PLXNA4: variants seen among roughly 807,000 people sequenced by gnomAD.
PLXNA4 encodes plexin-A4.
PLXNA4 carries 44 observed loss-of-function variants against 191.8 expected under a neutral mutation model. The ratio of observed to expected loss-of-function variants is 0.23; its 90% CI spans 0.18 to 0.29. The LOEUF (loss-of-function observed/expected upper bound fraction) is 0.29. Among genes scored for constraint, PLXNA4 ranks in the 10% least tolerant of loss-of-function variants. PLXNA4 has a pLI of 1.00. For missense variants in PLXNA4, 1,800 were observed against 2,488.8 expected (o/e 0.72, Z 5.89); for synonymous variants, 1,082 against 1,009.5 (o/e 1.07, Z -1.36).
intron 3 of PLXNA4, among the ~76,000 whole-genome samples, chr7:132,348,737 G>A (rs1396326096): frequency 2.0e-5 from 3 of 152,182 alleles, no homozygotes; most frequent in Non-Finnish European, 4.4e-5. Flanking sequence ...GGGGACATCT[G>A]GACACTAATT....
At chr7:132,327,939 C>T (rs937653676) in intron 3 of PLXNA4, among the ~76,000 whole-genome samples, 10 of 152,132 alleles carry the variant, frequency 6.6e-5, no homozygotes, top group African/African-American at 2.2e-4. Flanking sequence ...CAGGGAGAGC[C>T]GCCCTGTGTG....
intron 1 of PLXNA4, among the ~76,000 whole-genome samples, chr7:132,537,170 G>A (rs778786518): frequency 6.6e-6 from 1 of 152,204 alleles, no homozygotes; most frequent in Non-Finnish European, 1.5e-5. Context: ...TCTTGATCCT[G>A]TCTGAGACCA....
At chr7:132,203,983 G>T (rs1562918997) in intron 10 of PLXNA4, among the ~76,000 whole-genome samples, 1 of 152,180 alleles carries the variant, frequency 6.6e-6, no homozygotes, top group Admixed American at 6.5e-5. Flanking sequence ...TACACCCTAG[G>T]GGGATGAGAG....
In PLXNA4 at chr7:132,241,176, C is replaced by T. The variant is rs747076582; in HGVS notation, c.1504-10G>A. 3.7e-6 allele frequency: 6 copies of T among 1,603,468 alleles called. No homozygotes were observed. The highest frequency in any genetic ancestry group is 1.7e-4 in the Middle Eastern group (1 of 6,030). ...CAGGGACTCTGGTGAGCTAGGACAG[C>T]AGGATAGGGAGAAGGTGGTCAAGAT... On this transcript the variant is annotated splice_polypyrimidine_tract_variant and intron_variant, in intron 4 of 31. Coordinates refer to ENST00000321063, the MANE Select transcript of PLXNA4 (RefSeq NM_020911.2).
chr7:132,419,064 AG>A (rs1794759837), intron 3 of PLXNA4, among the ~76,000 whole-genome samples: 1 of 152,218 alleles, frequency 6.6e-6, no homozygotes, highest in Non-Finnish European at 1.5e-5. Flanking sequence ...AGGGTTGGGA[AG>A]GGAGCTCTGT....
chr7:132,418,613 C>T (rs927613839), intron 3 of PLXNA4, among the ~76,000 whole-genome samples: 1 of 152,168 alleles, frequency 6.6e-6, no homozygotes, highest in Non-Finnish European at 1.5e-5. Flanking sequence ...TCCTGGGCAC[C>T]GCCTGGAGAA....
At chr7:132,176,618 A>ATG (rs910206268) in intron 20 of PLXNA4, among the ~76,000 whole-genome samples, 4 of 67,916 alleles carry the variant, frequency 5.9e-5, no homozygotes, top group East Asian at 8.8e-4. Context: ...GTATGACTGC[A>ATG]TGTGTGTGTG....
chr7:132,428,738 C>T (rs1795146046), intron 3 of PLXNA4, among the ~76,000 whole-genome samples: 1 of 152,156 alleles, frequency 6.6e-6, no homozygotes, highest in Non-Finnish European at 1.5e-5. Flanking sequence ...AGGTCCTCGC[C>T]TACCTCCCAC....
At chr7:132,136,757 TG>T (rs1441103266) in intron 30 of PLXNA4, among the ~76,000 whole-genome samples, 1 of 152,146 alleles carries the variant, frequency 6.6e-6, no homozygotes, top group African/African-American at 2.4e-5. Flanking sequence ...CTAAACTCTT[TG>T]GAAAGGACAC....
intron 3 of PLXNA4, chr7:132,383,569 T>C (rs1038756686): frequency 1.0e-6 from 1 of 984,044 alleles, no homozygotes; most frequent in African/African-American, 1.7e-5. Flanking sequence ...TTTCACTGAA[T>C]GTTATCACAC....
At position 132,563,501 on chromosome 7, in the gene PLXNA4, CCTCCTCCTCCTCCTGCTG is replaced by C. The variant is rs1280694600; in HGVS notation, c.-87+12903_-87+12920del. Among the ~76,000 whole-genome samples, 470 of 89,996 alleles carry C rather than the reference CCTCCTCCTCCTCCTGCTG, an allele frequency of 5.2e-3. 15 individuals are homozygous for C. Among genetic ancestry groups the C allele is most frequent in the Middle Eastern group, 0.014 (1 of 74 alleles). The allele number at this position is 89,996 out of a possible 152,430, so 59.0% of individuals were successfully genotyped here. A position where few individuals can be genotyped will look rare whatever the true frequency, so the allele number is the denominator to read the frequency against. ...TGCTGCTCCTCCTCCTCCTTCTCCT[CCTCCTCCTCCTCCTGCTG>C]CTCCTCCTCCTCTTTCTCCTCCTCC... On this transcript the variant is annotated intron_variant, in intron 1 of 31. Transcript: ENST00000321063.
chr7:132,155,947 A>G (rs1795778561), intron 25 of PLXNA4, among the ~76,000 whole-genome samples: 1 of 152,164 alleles, frequency 6.6e-6, no homozygotes, highest in Admixed American at 6.5e-5. Flanking sequence ...GACTGGAACA[A>G]AAGACTGACC....
intron 3 of PLXNA4, chr7:132,366,014 T>C (rs1047394135): frequency 4.6e-5 from 7 of 152,250 alleles, no homozygotes; most frequent in East Asian, 1.9e-4. Context: ...GGGAGCTCCA[T>C]ATTAAGAGAA....
At chr7:132,397,567 G>T (rs1027017092) in intron 3 of PLXNA4, among the ~76,000 whole-genome samples, 2 of 152,170 alleles carry the variant, frequency 1.3e-5, no homozygotes, top group Non-Finnish European at 2.9e-5. Flanking sequence ...CCAAATCCAG[G>T]AAATTCCACA....
At chr7:132,185,191 C>A in intron 16 of PLXNA4, 108 bp downstream of exon 16, 1 of 1,418,488 alleles carries the variant, frequency 7.0e-7, no homozygotes, top group Non-Finnish European at 9.3e-7. Flanking sequence ...TCCAGCTCAT[C>A]CATCCCCCAA....
At chr7:132,584,880 C>T (rs551471810) in intron 2 of PLXNA4, among the ~76,000 whole-genome samples, 43 of 152,282 alleles carry the variant, frequency 2.8e-4, no homozygotes, top group Admixed American at 1.9e-3. Context: ...TGTCACACCG[C>T]CAGTCCTCTG....
At chr7:132,592,248 T>A (rs1190694559) in intron 2 of PLXNA4, among the ~76,000 whole-genome samples, 2 of 152,086 alleles carry the variant, frequency 1.3e-5, no homozygotes, top group Non-Finnish European at 2.9e-5. Context: ...CAAAGCACTT[T>A]AGAAAGAGCC....
At chr7:132,503,198 C>A (rs894212094) in intron 2 of PLXNA4, among the ~76,000 whole-genome samples, 30 of 152,214 alleles carry the variant, frequency 2.0e-4, no homozygotes, top group South Asian at 2.1e-4. Flanking sequence ...TAATGACCTG[C>A]TGGTGTGCAT....
intron 9 of PLXNA4, among the ~76,000 whole-genome samples, chr7:132,219,499 G>A (rs1422573276): frequency 6.6e-6 from 1 of 152,140 alleles, no homozygotes; most frequent in Admixed American, 6.5e-5. Context: ...CTCTCACAAT[G>A]CCTTGAGTAT....
Sources: allele counts gnomAD v4.1 joint callset (sites outside exome capture counted in the v4.1 genomes callset), GRCh38; gene constraint gnomAD v4.1.1; transcripts MANE v1.5; gene names NCBI Gene and HGNC (gene_info 2026-07-23, HGNC 2026-07-21).